Variants in CDC42BPA observed in about 807,000 individuals in gnomAD.
The protein encoded by CDC42BPA is serine/threonine-protein kinase MRCK alpha.
In CDC42BPA, 80 loss-of-function variants were observed where a neutral mutation model predicts 223.5. The ratio of observed to expected loss-of-function variants is 0.36; its 90% CI spans 0.30 to 0.43. CDC42BPA has a LOEUF of 0.43. Among genes scored for constraint, CDC42BPA ranks in the 20% least tolerant of loss-of-function variants. CDC42BPA has a pLI of 1.00. For missense variants in CDC42BPA, 1,743 were observed against 2,099.9 expected, an observed-to-expected ratio of 0.83 and a Z score of 3.32; for synonymous variants, 694 against 718.6, an observed-to-expected ratio of 0.97 and a Z score of 0.55.
chr1:227,012,401 G>A (rs1665400375), intron 34 of CDC42BPA, among the ~76,000 whole-genome samples: 1 of 152,036 alleles, frequency 6.6e-6, no homozygotes, highest in African/African-American at 2.4e-5. Flanking sequence ...TGCTTATATT[G>A]TCTTGGCTCA....
At chr1:227,106,015 C>G (rs902308329) in intron 14 of CDC42BPA, among the ~76,000 whole-genome samples, 2 of 152,172 alleles carry the variant, frequency 1.3e-5, no homozygotes, top group Admixed American at 6.5e-5. Flanking sequence ...GGAACCACCA[C>G]ATTGTTTCAA....
At chr1:227,253,609 T>TAAATAAATACATACAC (rs1402724351) in intron 2 of CDC42BPA, among the ~76,000 whole-genome samples, 1 of 113,922 alleles carries the variant, frequency 8.8e-6, no homozygotes, top group Non-Finnish European at 2.1e-5. Context: ...AATAAATAAA[T>TAAATAAATACATACAC]ACATACATAC....
chr1:227,064,990 G>A (rs948524945), intron 21 of CDC42BPA, among the ~76,000 whole-genome samples: 1 of 151,926 alleles, frequency 6.6e-6, no homozygotes, highest in Non-Finnish European at 1.5e-5. Flanking sequence ...CCAGCTACTC[G>A]GGAGGCTGAG....
At chr1:227,242,249 G>A (rs1404110335) in intron 2 of CDC42BPA, among the ~76,000 whole-genome samples, 4 of 152,004 alleles carry the variant, frequency 2.6e-5, no homozygotes, top group Non-Finnish European at 2.9e-5. Context: ...CTACAGACTA[G>A]GGCAAGAAGG....
intron 12 of CDC42BPA, among the ~76,000 whole-genome samples, chr1:227,114,867 T>C (rs1687520222): frequency 1.3e-5 from 2 of 152,096 alleles, no homozygotes; most frequent in South Asian, 4.1e-4. Context: ...AAATTAAACG[T>C]CTTTAAATTG....
chr1:227,034,899 G>A (rs1285581826), intron 25 of CDC42BPA, 105 bp from the exon 26 acceptor site: 5 of 994,806 alleles, frequency 5.0e-6, no homozygotes, highest in East Asian at 2.6e-5. Flanking sequence ...TAATGTACAC[G>A]TTTTATAAGT....
chr1:227,133,750 A>G (rs1000221087), intron 10 of CDC42BPA, among the ~76,000 whole-genome samples: 4 of 152,012 alleles, frequency 2.6e-5, no homozygotes, highest in Non-Finnish European at 4.4e-5. Flanking sequence ...TTTGTTAAAC[A>G]GATGCTTGAA....
At chr1:227,309,467 G>A (rs533433247) in intron 1 of CDC42BPA, among the ~76,000 whole-genome samples, 45 of 152,218 alleles carry the variant, frequency 3.0e-4, no homozygotes, top group Admixed American at 1.6e-3. Context: ...GAAACACAGC[G>A]CTTCATGGAT....
Position 226,994,072 on chromosome 1 carries a change from T to C in CDC42BPA, c.*196A>G, listed in dbSNP as rs1661084287. The C allele has an allele frequency of 1.3e-5, 7 of 534,956 alleles. No individual in the cohort carries two copies. The highest frequency in any genetic ancestry group is 5.8e-5 in the African/African-American group (3 of 51,354). The allele number at this position is 534,956 out of a possible 1,614,324, so 33.1% of individuals were successfully genotyped here. A position where few individuals can be genotyped will look rare whatever the true frequency, so the allele number is the denominator to read the frequency against. On this transcript the variant is annotated 3_prime_UTR_variant, in exon 37 of 37. Coordinates refer to ENST00000366766, the MANE Select transcript of CDC42BPA (RefSeq NM_001394014.1). The surrounding 1 kb of genome is among the most constrained non-coding windows in gnomAD (Gnocchi z 4.0). ...TTAATCTAAGCTGCTACGGAAAGTC[T>C]GTCTTTGTTGTTGCTGTTAGGCTGG...
At chr1:227,063,511 ATAT>A (rs1338687408) in intron 21 of CDC42BPA, among the ~76,000 whole-genome samples, 1 of 152,022 alleles carries the variant, frequency 6.6e-6, no homozygotes, top group Admixed American at 6.6e-5. Context: ...TTGTCTAAAT[ATAT>A]TATTATATTA....
intron 1 of CDC42BPA, among the ~76,000 whole-genome samples, chr1:227,310,991 A>G (rs901476927): frequency 1.3e-5 from 2 of 151,958 alleles, no homozygotes; most frequent in Non-Finnish European, 2.9e-5. Context: ...GCACCCGGCC[A>G]AGGAGTTTTT....
intron 1 of CDC42BPA, among the ~76,000 whole-genome samples, chr1:227,310,027 C>T (rs891090851): frequency 3.9e-5 from 6 of 152,182 alleles, no homozygotes; most frequent in South Asian, 4.1e-4. Flanking sequence ...CCAATCCACA[C>T]GATATCCCAA....
At chr1:227,130,319 T>A (rs1656811760) in intron 10 of CDC42BPA, among the ~76,000 whole-genome samples, 1 of 152,202 alleles carries the variant, frequency 6.6e-6, no homozygotes, top group Non-Finnish European at 1.5e-5. Flanking sequence ...AATCCCTATA[T>A]GTTTGGCAGT....
intron 17 of CDC42BPA, among the ~76,000 whole-genome samples, 188 bp from the exon 18 acceptor site, chr1:227,074,552 T>C (rs140002288): frequency 3.2e-4 from 49 of 152,288 alleles, no homozygotes; most frequent in Admixed American, 1.9e-3. Flanking sequence ...GAACTGTTCT[T>C]TTATGTACAT....
rs905767046 is a variant in CDC42BPA at position 227,199,461 on chromosome 1, C to G, written c.450+96G>C. 9 of 728,308 alleles carry G rather than the reference C, an allele frequency of 1.2e-5. No homozygotes were observed. In the South Asian group the frequency reaches 1.6e-4, roughly 13 times the overall value. 45.1% of individuals were successfully genotyped at this position (728,308 alleles called of 1,614,324 possible). A position where few individuals can be genotyped will look rare whatever the true frequency, so the allele number is the denominator to read the frequency against. ...CCCTGTATGAAATGCACTTAATTTT[C>G]TATATGAAACCTACATTTAAACAAT... On this transcript the variant is annotated intron_variant, in intron 4 of 36. Coordinates refer to ENST00000366766, the MANE Select transcript of CDC42BPA (RefSeq NM_001394014.1).
At chr1:227,181,098 C>T (rs570236940) in intron 5 of CDC42BPA, among the ~76,000 whole-genome samples, 23 of 152,140 alleles carry the variant, frequency 1.5e-4, no homozygotes, top group African/African-American at 4.8e-4. Context: ...ATGCAAACTG[C>T]CTATGCAGCA....
intron 1 of CDC42BPA, among the ~76,000 whole-genome samples, chr1:227,292,063 A>G (rs1689790314): frequency 6.6e-6 from 1 of 152,020 alleles, no homozygotes; most frequent in African/African-American, 2.4e-5. Flanking sequence ...GCTCATTTCA[A>G]CTTCTGCCTC....
At chr1:227,028,091 T>A (rs1252633552) in intron 30 of CDC42BPA, among the ~76,000 whole-genome samples, 1 of 148,970 alleles carries the variant, frequency 6.7e-6, no homozygotes, top group Non-Finnish European at 1.5e-5. Flanking sequence ...CTGTACTCTA[T>A]CCTGGGTGAC....
intron 10 of CDC42BPA, among the ~76,000 whole-genome samples, chr1:227,132,009 A>C (rs1049896207): frequency 6.6e-6 from 1 of 152,006 alleles, no homozygotes; most frequent in Non-Finnish European, 1.5e-5. Context: ...CAAGCATTTA[A>C]CATCTGGAAA....
Sources: allele counts gnomAD v4.1 joint callset (sites outside exome capture counted in the v4.1 genomes callset), GRCh38; gene constraint gnomAD v4.1.1; non-coding constraint Gnocchi (gnomAD v3.1); transcripts MANE v1.5; gene names NCBI Gene and HGNC (gene_info 2026-07-23, HGNC 2026-07-21).